GNAO1: variants seen among roughly 807,000 people sequenced by gnomAD.
GNAO1 encodes guanine nucleotide-binding protein G(o) subunit alpha.
For missense variants in GNAO1, 166 were observed against 478.7 expected (o/e 0.35, Z 6.10); for synonymous variants, 164 against 180.7 (o/e 0.91, Z 0.74).
chr16:56,298,028 C>G (rs1289127636), intron 3 of GNAO1, among the ~76,000 whole-genome samples: 1 of 151,890 alleles, frequency 6.6e-6, no homozygotes, highest in African/African-American at 2.4e-5. Context: ...AAAAATTAGC[C>G]AGCCATGGTG....
chr16:56,267,984 A>G (rs1052433424), intron 2 of GNAO1, among the ~76,000 whole-genome samples: 1 of 151,104 alleles, frequency 6.6e-6, no homozygotes, highest in Non-Finnish European at 1.5e-5. Flanking sequence ...ATTTGATTAG[A>G]TGTTTTTCTC....
intron 2 of GNAO1, among the ~76,000 whole-genome samples, chr16:56,273,289 T>C (rs1218672572): frequency 6.6e-6 from 1 of 152,218 alleles, no homozygotes; most frequent in Non-Finnish European, 1.5e-5. Context: ...TTCACTCATC[T>C]TCTGTATGTC....
intron 3 of GNAO1, among the ~76,000 whole-genome samples, chr16:56,280,392 G>A (rs114549936): frequency 6.6e-6 from 1 of 152,218 alleles, no homozygotes; most frequent in African/African-American, 2.4e-5. Flanking sequence ...GAGGACTGGG[G>A]TCTGAGCAAG....
intron 2 of GNAO1, among the ~76,000 whole-genome samples, chr16:56,236,362 A>G (rs1341896096): frequency 6.6e-6 from 1 of 152,198 alleles, no homozygotes; most frequent in African/African-American, 2.4e-5. Context: ...GGAGAGAGAG[A>G]CAGAGAAAGA....
intron 3 of GNAO1, chr16:56,308,327 G>T (rs1397875547): frequency 1.3e-5 from 2 of 152,214 alleles, no homozygotes; most frequent in Admixed American, 1.3e-4. Flanking sequence ...TGTGGATATT[G>T]TGGCCTAGGG....
chr16:56,198,231 A>C (rs1222473412), intron 2 of GNAO1, among the ~76,000 whole-genome samples: 2 of 152,242 alleles, frequency 1.3e-5, no homozygotes, highest in African/African-American at 4.8e-5. Flanking sequence ...TACTGATTGC[A>C]TCATCTTAAA....
chr16:56,270,341 A>G (rs969374935), intron 2 of GNAO1: 1 of 152,230 alleles, frequency 6.6e-6, no homozygotes, highest in Non-Finnish European at 1.5e-5. Flanking sequence ...TTGGGTGGAC[A>G]TGAATTCAGA....
intron 3 of GNAO1, among the ~76,000 whole-genome samples, chr16:56,298,372 C>T (rs1450539387): frequency 6.6e-6 from 1 of 152,102 alleles, no homozygotes; most frequent in Non-Finnish European, 1.5e-5. Flanking sequence ...TCCATTGTCA[C>T]CTCCCTTCCA....
intron 3 of GNAO1, among the ~76,000 whole-genome samples, chr16:56,290,127 T>C (rs534522843): frequency 1.4e-4 from 21 of 152,300 alleles, no homozygotes; most frequent in Admixed American, 9.8e-4. Context: ...ATCTCCTCCA[T>C]AGGGGACTTC....
At chr16:56,230,235 C>T (rs1274300595) in intron 2 of GNAO1, among the ~76,000 whole-genome samples, 3 of 152,160 alleles carry the variant, frequency 2.0e-5, no homozygotes, top group Non-Finnish European at 2.9e-5. Flanking sequence ...GTGCAGTGAC[C>T]ACAGTGGAGG....
At chr16:56,254,026 T>TG (rs144034452) in intron 2 of GNAO1, among the ~76,000 whole-genome samples, 19,641 of 152,048 alleles carry the variant, frequency 0.13, 1,600 homozygotes, top group African/African-American at 0.22. Context: ...TCCATAAAAT[T>TG]TTTTTTTATT....
chr16:56,265,946 A>G (rs1322234901), intron 2 of GNAO1, among the ~76,000 whole-genome samples: 1 of 152,062 alleles, frequency 6.6e-6, no homozygotes, highest in Non-Finnish European at 1.5e-5. Flanking sequence ...TCATTAGAAC[A>G]CTAAAGGTGC....
chr16:56,230,382 G>A (rs1168241790), intron 2 of GNAO1, among the ~76,000 whole-genome samples: 2 of 152,204 alleles, frequency 1.3e-5, no homozygotes, highest in African/African-American at 4.8e-5. Context: ...AGGCCTGGAT[G>A]AGGGCTTCAT....
rs147836189 is a variant in GNAO1, at chr16:56,213,909, C to A, written c.161+21293C>A. Among the ~76,000 whole-genome samples the A allele has an allele frequency of 1.2e-3, 185 of 152,066 alleles. No individual in the cohort carries two copies. In the East Asian group the frequency reaches 0.022, roughly 18 times the overall value. The stretch of plus-strand genomic sequence containing the variant: ...GGTGTGGTCTCACTAAAGACAGGGG[C>A]GGGAAAGAAATCCCCATCACAGACT... On this transcript the variant is annotated intron_variant, in intron 2 of 8. Transcript: ENST00000262493.
At chr16:56,192,701 T>A in intron 2 of GNAO1, 85 bp downstream of exon 2, 1 of 810,812 alleles carries the variant, frequency 1.2e-6, no homozygotes, top group Admixed American at 1.8e-5. Context: ...TCCACATTGC[T>A]CTCCAGGCCT....
At chr16:56,211,577 G>A (rs1174125865) in intron 2 of GNAO1, among the ~76,000 whole-genome samples, 1 of 152,154 alleles carries the variant, frequency 6.6e-6, no homozygotes, top group Non-Finnish European at 1.5e-5. Context: ...CTCCACCCCT[G>A]CCCTTCTACA....
At chr16:56,279,027 T>C (rs2037090149) in intron 3 of GNAO1, among the ~76,000 whole-genome samples, 1 of 152,100 alleles carries the variant, frequency 6.6e-6, no homozygotes, top group Non-Finnish European at 1.5e-5. Flanking sequence ...TTTTGGTCTC[T>C]GAAGAAGAGA....
chr16:56,336,473 G>C, intron 5 of GNAO1: 1 of 393,964 alleles, frequency 2.5e-6, no homozygotes, highest in Non-Finnish European at 4.6e-6. Context: ...ATGCTCCTCA[G>C]ATGCAAGGGC....
At chr16:56,341,872 T>A (rs1230183761) in intron 6 of GNAO1, among the ~76,000 whole-genome samples, 1 of 152,118 alleles carries the variant, frequency 6.6e-6, no homozygotes, top group African/African-American at 2.4e-5. Flanking sequence ...GGAGGAGAAG[T>A]GGGGCACCCT....
Sources: allele counts gnomAD v4.1 joint callset (sites outside exome capture counted in the v4.1 genomes callset), GRCh38; gene constraint gnomAD v4.1.1; transcripts MANE v1.5; gene names NCBI Gene and HGNC (gene_info 2026-07-23, HGNC 2026-07-21).